The following RHOA variants were observed in gnomAD, a reference collection of about 807,000 sequenced individuals.
RHOA encodes ras homolog family member A, also known as transforming protein RhoA.
A neutral mutation model predicts 17.5 loss-of-function variants in RHOA; 3 were observed. That is an observed-to-expected ratio of 0.17 (90% CI 0.08 to 0.44). RHOA has a LOEUF of 0.44. RHOA is among the 20% of genes least tolerant of loss of function. RHOA has a pLI of 0.99. For missense variants in RHOA, 56 were observed against 242.3 expected, an observed-to-expected ratio of 0.23 and a Z score of 5.10; for synonymous variants, 98 against 88.4, an observed-to-expected ratio of 1.11 and a Z score of -0.61.
chr3:49,406,862 C>T (rs757572558), intron 1 of RHOA: 2 of 151,942 alleles, frequency 1.3e-5, no homozygotes, highest in African/African-American at 2.4e-5. Flanking sequence ...AAAACAAATC[C>T]TTAGTGGCTC....
At position 49,382,500 on chromosome 3, in the gene RHOA, G is replaced by C. The variant is rs558105859; in HGVS notation, c.-2-6909C>G. On this transcript the variant is annotated intron_variant, in intron 1 of 4. Transcript: ENST00000418115. ...AAATACAAAAAATTAGCTGGCTGTG[G>C]TGGTGCGCATCTGTGGTCACAGCTA... Among the ~76,000 whole-genome samples, 293 of 152,174 alleles carry C rather than the reference G, an allele frequency of 1.9e-3. 3 individuals are homozygous for C. Among genetic ancestry groups the C allele is most frequent in the African/African-American group, 6.5e-3 (269 of 41,516 alleles).
At chr3:49,411,395 G>T (rs1256715919) in intron 1 of RHOA, among the ~76,000 whole-genome samples, 1 of 152,252 alleles carries the variant, frequency 6.6e-6, no homozygotes, top group Non-Finnish European at 1.5e-5. Flanking sequence ...AAAGCAAAAT[G>T]GAGTTGTAAA....
At chr3:49,389,251 C>T (rs2048455017) in intron 1 of RHOA, among the ~76,000 whole-genome samples, 1 of 151,662 alleles carries the variant, frequency 6.6e-6, no homozygotes, top group Non-Finnish European at 1.5e-5. Context: ...GGGGGCTGAG[C>T]TTGCAGTGAG....
intron 1 of RHOA, among the ~76,000 whole-genome samples, chr3:49,410,258 G>C (rs2048909873): frequency 6.6e-6 from 1 of 152,204 alleles, no homozygotes. Context: ...CTCCTGACTA[G>C]ATAGGTAACC....
intron 1 of RHOA, among the ~76,000 whole-genome samples, chr3:49,387,948 T>C (rs942843311): frequency 1.3e-5 from 2 of 151,990 alleles, no homozygotes; most frequent in Non-Finnish European, 2.9e-5. Context: ...TGTTTACTCT[T>C]ACTGTTTTAA....
intron 1 of RHOA, among the ~76,000 whole-genome samples, chr3:49,409,711 C>A (rs2048901224): frequency 6.6e-6 from 1 of 152,116 alleles, no homozygotes. Context: ...TAACTTACAC[C>A]CCCATATGAC....
At chr3:49,411,360 G>C (rs1270214699) in intron 1 of RHOA, among the ~76,000 whole-genome samples, 6 of 152,246 alleles carry the variant, frequency 3.9e-5, no homozygotes, top group African/African-American at 1.4e-4. Flanking sequence ...ATGAAACAGT[G>C]ATTGTCGTTT....
At chr3:49,370,179 G>A (rs185680310) in intron 2 of RHOA, among the ~76,000 whole-genome samples, 76 of 152,204 alleles carry the variant, frequency 5.0e-4, no homozygotes, top group African/African-American at 1.8e-3. Context: ...CCCGGGAGGC[G>A]GAGGTTGCAG....
intron 1 of RHOA, among the ~76,000 whole-genome samples, chr3:49,381,445 C>G (rs1356025141): frequency 6.6e-6 from 1 of 151,014 alleles, no homozygotes; most frequent in African/African-American, 2.4e-5. Context: ...TGGCAGGCAC[C>G]TGTAACCCCT....
chr3:49,366,166 T>C (rs142841646), intron 3 of RHOA, among the ~76,000 whole-genome samples: 468 of 152,230 alleles, frequency 3.1e-3, no homozygotes, highest in African/African-American at 0.01. Context: ...TCCTTCTCAT[T>C]CCAATAGGAT....
intron 1 of RHOA, among the ~76,000 whole-genome samples, chr3:49,398,411 G>A (rs1368370331): frequency 6.6e-6 from 1 of 151,822 alleles, no homozygotes; most frequent in Non-Finnish European, 1.5e-5. Flanking sequence ...TAAAATGAGA[G>A]ACAGAACAAG....
At chr3:49,373,228 C>A in intron 2 of RHOA, 1 of 195,860 alleles carries the variant, frequency 5.1e-6, no homozygotes, top group Admixed American at 5.7e-5. Context: ...CCTGTAATCC[C>A]AGCTCCTCGG....
chr3:49,360,070 A>AAT lies in RHOA; in HGVS notation c.*137_*138dup. 9.7e-7 allele frequency: 1 copy of AAT among 1,030,332 alleles called. No individual in the cohort carries two copies. Among genetic ancestry groups the AAT allele is most frequent in the Non-Finnish European group, 1.4e-6 (1 of 723,980 alleles). 63.8% of individuals were successfully genotyped at this position (1,030,332 alleles called of 1,614,324 possible). A position where few individuals can be genotyped will look rare whatever the true frequency, so the allele number is the denominator to read the frequency against. ...CGTTAATAATCATAGTTGGCTTCTAAATACTGGTAGCAAGATGACTTCTGA... is the reference window on the plus strand; with the variant it reads ...CGTTAATAATCATAGTTGGCTTCTAAATATACTGGTAGCAAGATGACTTCTGA... On this transcript the variant is annotated 3_prime_UTR_variant, in exon 5 of 5. Transcript: ENST00000418115.
chr3:49,409,920 A>G (rs1031097047), intron 1 of RHOA, among the ~76,000 whole-genome samples: 1 of 152,208 alleles, frequency 6.6e-6, no homozygotes, highest in African/African-American at 2.4e-5. Flanking sequence ...TTGAAGCAGT[A>G]AAGTGTAGGC....
chr3:49,404,228 A>G (rs2048773849), intron 1 of RHOA, among the ~76,000 whole-genome samples: 1 of 149,454 alleles, frequency 6.7e-6, no homozygotes, highest in Non-Finnish European at 1.5e-5. Flanking sequence ...CCTTGACACC[A>G]AAAGTTGGAG....
At chr3:49,361,377 G>C (rs569252872) in intron 4 of RHOA, among the ~76,000 whole-genome samples, 30 of 152,328 alleles carry the variant, frequency 2.0e-4, no homozygotes, top group African/African-American at 7.0e-4. Flanking sequence ...CCTCCAGTGA[G>C]GAAGCCCTGC....
intron 1 of RHOA, among the ~76,000 whole-genome samples, chr3:49,393,672 CTCTCTGTGTGTGTGTGTG>C (rs1559512172): frequency 0.086 from 4,664 of 54,206 alleles, 410 homozygotes; most frequent in African/African-American, 0.27. Context: ...CTCAAATTCT[CTCTCTGTGTGTGTGTGTG>C]TGTGTGTGTG....
intron 1 of RHOA, among the ~76,000 whole-genome samples, chr3:49,392,219 G>A (rs886969079): frequency 6.6e-5 from 10 of 152,124 alleles, no homozygotes; most frequent in Non-Finnish European, 1.5e-4. Flanking sequence ...GATGTCTGAG[G>A]CCAGGAGCTC....
Position 49,373,026 on chromosome 3 carries a change from G to A in RHOA, c.156+2408C>T, listed in dbSNP as rs545964733. Among the ~76,000 whole-genome samples, 6 of 152,196 alleles carry A rather than the reference G, an allele frequency of 3.9e-5. No homozygotes were observed. The South Asian group carries it at 6.2e-4, about 16-fold the overall frequency. ...ACAAAAGGAGGCTAGGTGGCCCTAG[G>A]ACAGAAAGAAATAAGTAATGTGGAC... On this transcript the variant is annotated intron_variant, in intron 2 of 4. Transcript: ENST00000418115.
Sources: gnomAD v4.1 joint callset for allele counts (sites outside exome capture counted in the v4.1 genomes callset) on GRCh38, gnomAD v4.1.1 for gene constraint, MANE v1.5 for transcripts, NCBI Gene and HGNC (gene_info 2026-07-23, HGNC 2026-07-21) for gene names.